The following CCDC91 variants were observed in gnomAD, a reference collection of about 807,000 sequenced individuals.
CCDC91 encodes coiled-coil domain-containing protein 91.
In CCDC91, 48 loss-of-function variants were observed where a neutral mutation model predicts 63.2. The observed-to-expected ratio is 0.76, with a 90% CI of 0.60 to 0.97. The LOEUF (loss-of-function observed/expected upper bound fraction) is 0.97, where lower values mean the gene tolerates loss of function less well. CCDC91 is among the 50% of genes least tolerant of loss of function. The probability of loss-of-function intolerance (pLI) is 0.00; values close to 1 mark genes in which losing one functional copy is unlikely to be tolerated. For missense variants in CCDC91, 500 were observed against 494.6 expected (o/e 1.01, Z -0.10); for synonymous variants, 167 against 165.8 (o/e 1.01, Z -0.06).
chr12:28,246,810 G>T (rs1945769681), intron 1 of CCDC91, among the ~76,000 whole-genome samples: 1 of 152,120 alleles, frequency 6.6e-6, no homozygotes. Flanking sequence ...TACCTGCTGT[G>T]GTGTAAAGTG....
chr12:28,427,536 A>G lies in CCDC91; in HGVS notation c.763-22625A>G, dbSNP rs140736528. Among the ~76,000 whole-genome samples the G allele has an allele frequency of 4.4e-4, 67 of 151,972 alleles. No homozygotes were observed. In the East Asian group the frequency reaches 0.012, roughly 28 times the overall value. ...AAGCCTTCTGCCCCCAGGAGTTCTC[A>G]CTTTCATATTTATCCTCACTCAGCT... is the stretch of plus-strand genomic sequence containing the variant. On this transcript the variant is annotated intron_variant, in intron 8 of 12. Transcript: ENST00000536442.
At chr12:28,491,495 A>G (rs1952000384) in intron 12 of CCDC91, among the ~76,000 whole-genome samples, 1 of 151,776 alleles carries the variant, frequency 6.6e-6, no homozygotes, top group African/African-American at 2.4e-5. Context: ...AATAAAGACC[A>G]AATGCATTAT....
intron 1 of CCDC91, among the ~76,000 whole-genome samples, chr12:28,240,270 C>A (rs1945247088): frequency 6.6e-6 from 1 of 152,112 alleles, no homozygotes; most frequent in Non-Finnish European, 1.5e-5. Flanking sequence ...TTGTATTAAT[C>A]ACAGTTTTTA....
At chr12:28,528,630 A>AATCTAGTCCTGCCTCCCGTCTGCC (rs1289616767) in intron 12 of CCDC91, among the ~76,000 whole-genome samples, 2 of 152,142 alleles carry the variant, frequency 1.3e-5, no homozygotes, top group African/African-American at 4.8e-5. Context: ...TGGGGGCTGC[A>AATCTAGTCCTGCCTCCCGTCTGCC]ATCTAGTCCT....
chr12:28,532,053 G>T (rs1941781821), intron 12 of CCDC91, among the ~76,000 whole-genome samples: 1 of 152,060 alleles, frequency 6.6e-6, no homozygotes, highest in Non-Finnish European at 1.5e-5. Context: ...TGTAGAGAGT[G>T]GGACCAAGTC....
intron 3 of CCDC91, among the ~76,000 whole-genome samples, chr12:28,284,315 C>G (rs1948780927): frequency 6.6e-6 from 1 of 152,006 alleles, no homozygotes; most frequent in African/African-American, 2.4e-5. Context: ...TTGCTTTCAC[C>G]CTTTGTGATT....
intron 3 of CCDC91, among the ~76,000 whole-genome samples, chr12:28,290,312 A>G (rs1219299187): frequency 6.6e-6 from 1 of 152,104 alleles, no homozygotes; most frequent in Non-Finnish European, 1.5e-5. Context: ...TTTCTGACAT[A>G]AGGATTGTAA....
At chr12:28,434,338 A>G (rs1250257913) in intron 8 of CCDC91, among the ~76,000 whole-genome samples, 1 of 151,602 alleles carries the variant, frequency 6.6e-6, no homozygotes, top group African/African-American at 2.4e-5. Context: ...ATTTTGTCAA[A>G]TGCTTTATCT....
At chr12:28,451,394 A>G (rs1215772967) in intron 10 of CCDC91, among the ~76,000 whole-genome samples, 1 of 151,672 alleles carries the variant, frequency 6.6e-6, no homozygotes, top group Non-Finnish European at 1.5e-5. Context: ...TGTGAATAAT[A>G]TAGAAGGTGG....
chr12:28,456,117 G>A (rs1950046174), intron 11 of CCDC91, among the ~76,000 whole-genome samples: 1 of 152,018 alleles, frequency 6.6e-6, no homozygotes, highest in Non-Finnish European at 1.5e-5. Context: ...AGTTCTATAG[G>A]CAAAACTTTA....
intron 11 of CCDC91, among the ~76,000 whole-genome samples, chr12:28,461,472 GT>G (rs1427679320): frequency 2.6e-5 from 4 of 151,766 alleles, no homozygotes; most frequent in Non-Finnish European, 4.4e-5. Flanking sequence ...ATTCTAAAAA[GT>G]TCTTTTTTCT....
At chr12:28,205,981 C>T (rs1293954238) in intron 1 of CCDC91, among the ~76,000 whole-genome samples, 1 of 152,126 alleles carries the variant, frequency 6.6e-6, no homozygotes, top group Non-Finnish European at 1.5e-5. Flanking sequence ...GGTCTTGAAA[C>T]CCACCAGGAA....
chr12:28,213,269 C>T (rs968932709), intron 1 of CCDC91, among the ~76,000 whole-genome samples: 1 of 152,218 alleles, frequency 6.6e-6, no homozygotes, highest in Non-Finnish European at 1.5e-5. Context: ...CCACCGACTC[C>T]TCTTTGTTTC....
intron 8 of CCDC91, 27 bp from the exon 9 acceptor site, chr12:28,450,134 A>G: frequency 7.5e-7 from 1 of 1,335,454 alleles, no homozygotes; most frequent in Non-Finnish European, 1.1e-6. Flanking sequence ...CAGAGCCATA[A>G]TATAATTTGC....
intron 8 of CCDC91, among the ~76,000 whole-genome samples, chr12:28,443,514 A>G (rs1430236947): frequency 1.2e-4 from 19 of 152,110 alleles, no homozygotes; most frequent in Admixed American, 1.2e-3. Context: ...TTCTATAAAT[A>G]CACTGAGAGC....
chr12:28,447,702 A>C (rs1949570767), intron 8 of CCDC91, among the ~76,000 whole-genome samples: 1 of 133,016 alleles, frequency 7.5e-6, no homozygotes, highest in Admixed American at 7.6e-5. Flanking sequence ...GAATGAATAA[A>C]GAAGAATGGG....
intron 7 of CCDC91, among the ~76,000 whole-genome samples, chr12:28,373,985 C>A (rs1230341364): frequency 6.6e-6 from 1 of 152,150 alleles, no homozygotes; most frequent in Non-Finnish European, 1.5e-5. Flanking sequence ...GAGGCCTAAC[C>A]AGCTATGCAG....
intron 8 of CCDC91, among the ~76,000 whole-genome samples, chr12:28,440,578 G>A (rs931769474): frequency 1.4e-4 from 22 of 152,162 alleles, no homozygotes; most frequent in African/African-American, 5.1e-4. Context: ...GATAAATTAG[G>A]GTTTATCTGA....
intron 8 of CCDC91, among the ~76,000 whole-genome samples, chr12:28,416,840 T>C (rs1947692422): frequency 6.6e-6 from 1 of 152,078 alleles, no homozygotes; most frequent in South Asian, 2.1e-4. Flanking sequence ...ACTATAGCAA[T>C]GGTTATACAC....
Sources: allele counts gnomAD v4.1 joint callset (sites outside exome capture counted in the v4.1 genomes callset), GRCh38; gene constraint gnomAD v4.1.1; transcripts MANE v1.5; gene names NCBI Gene and HGNC (gene_info 2026-07-23, HGNC 2026-07-21).